TTC28: variants seen among roughly 807,000 people sequenced by gnomAD.
TTC28 encodes the protein tetratricopeptide repeat domain 28.
A neutral mutation model predicts 198.0 loss-of-function variants in TTC28; 61 were observed. That is an observed-to-expected ratio of 0.31 (90% CI 0.25 to 0.38). TTC28 has a LOEUF of 0.38. Ranked by LOEUF, TTC28 falls within the 10% of genes least tolerant of loss-of-function variation. The probability of loss-of-function intolerance (pLI) is 1.00; values close to 1 mark genes in which losing one functional copy is unlikely to be tolerated. For missense variants in TTC28, 2,678 were observed against 3,164.0 expected (o/e 0.85, Z 3.69); for synonymous variants, 1,171 against 1,297.8 (o/e 0.90, Z 2.10).
chr22:28,615,131 T>C (rs1222570560), intron 2 of TTC28, among the ~76,000 whole-genome samples: 6 of 151,868 alleles, frequency 4.0e-5, no homozygotes, highest in Admixed American at 2.6e-4. Context: ...CATCAAAAAG[T>C]GGACAAAGGA....
chr22:28,249,288 T>A (rs1010867847), intron 5 of TTC28, among the ~76,000 whole-genome samples: 5 of 151,938 alleles, frequency 3.3e-5, no homozygotes, highest in African/African-American at 9.7e-5. Flanking sequence ...ATTAAATAAG[T>A]GAATGCACAG....
intron 1 of TTC28, among the ~76,000 whole-genome samples, chr22:28,670,951 C>T (rs192681196): frequency 5.3e-5 from 8 of 152,110 alleles, no homozygotes; most frequent in Admixed American, 3.3e-4. Context: ...TGATGACTAA[C>T]GATGTTGCAT....
intron 12 of TTC28, among the ~76,000 whole-genome samples, chr22:28,079,100 G>A (rs936553934): frequency 2.6e-5 from 4 of 152,198 alleles, no homozygotes; most frequent in Admixed American, 1.3e-4. Flanking sequence ...AAGACCATCA[G>A]AAACTCTGAA....
intron 2 of TTC28, among the ~76,000 whole-genome samples, chr22:28,369,178 A>C (rs2046291636): frequency 6.6e-6 from 1 of 152,186 alleles, no homozygotes; most frequent in Non-Finnish European, 1.5e-5. Context: ...ACCAGACTTC[A>C]AATTACACTA....
Position 28,629,745 on chromosome 22 carries a change from C to T in TTC28, c.188G>A (p.Arg63His), listed in dbSNP as rs373441958. ...ATCATGACAGGCCTGATTACTCTGA[C>T]GAACTTTCTCAACAAATTCAGCTTT... ...LSKAEFVEKV[R>H]QSNQACHDGD... The change falls in exon 2 of 23, where the codon CGT becomes CAT. Residue 63 changes from arginine (R) to histidine (H), a missense_variant. By Grantham distance (29) the Arg-to-His change is conservative. Transcript: ENST00000397906. 37 of 1,551,670 alleles carry T rather than the reference C, an allele frequency of 2.4e-5. No individual in the cohort carries two copies. In the African/African-American group the frequency reaches 2.9e-4, roughly 12 times the overall value.
At chr22:28,247,636 T>C (rs552027018) in intron 5 of TTC28, among the ~76,000 whole-genome samples, 10 of 152,034 alleles carry the variant, frequency 6.6e-5, no homozygotes, top group Non-Finnish European at 1.3e-4. Flanking sequence ...GGAAGAGAAA[T>C]AGAGAAGCTT....
At chr22:28,505,289 T>A (rs574570653) in intron 2 of TTC28, among the ~76,000 whole-genome samples, 28 of 151,308 alleles carry the variant, frequency 1.9e-4, no homozygotes, top group Non-Finnish European at 3.4e-4. Flanking sequence ...GTTTAAAACT[T>A]TAGAAGCTTC....
intron 12 of TTC28, among the ~76,000 whole-genome samples, chr22:28,032,266 TA>T (rs1308343527): frequency 7.2e-5 from 5 of 69,024 alleles, no homozygotes; most frequent in African/African-American, 2.9e-4. Context: ...TATATATATA[TA>T]GTGTGTGTGT....
chr22:28,361,004 T>C (rs1466264412), intron 2 of TTC28, among the ~76,000 whole-genome samples: 1 of 152,208 alleles, frequency 6.6e-6, no homozygotes, highest in Non-Finnish European at 1.5e-5. Flanking sequence ...ACATGTTTTG[T>C]GTTCTGACTA....
chr22:28,392,866 C>T (rs1166581393), intron 2 of TTC28, among the ~76,000 whole-genome samples: 1 of 105,430 alleles, frequency 9.5e-6, no homozygotes, highest in Non-Finnish European at 1.9e-5. Flanking sequence ...TTGGTTCCTC[C>T]CTCCTTTTTT....
intron 2 of TTC28, among the ~76,000 whole-genome samples, chr22:28,600,067 C>T (rs1221399178): frequency 6.6e-6 from 1 of 152,164 alleles, no homozygotes; most frequent in East Asian, 1.9e-4. Flanking sequence ...AATAAAATAA[C>T]TGCATAATTA....
intron 12 of TTC28, among the ~76,000 whole-genome samples, chr22:28,051,804 G>A (rs1370796622): frequency 6.6e-6 from 1 of 152,078 alleles, no homozygotes; most frequent in East Asian, 1.9e-4. Context: ...CCATGGCTTC[G>A]AAGCCATGAT....
intron 2 of TTC28, among the ~76,000 whole-genome samples, chr22:28,374,402 G>A (rs2046379456): frequency 1.3e-5 from 2 of 152,180 alleles, no homozygotes; most frequent in African/African-American, 4.8e-5. Context: ...ACAAAGATAG[G>A]GTTCCTCATT....
At chr22:28,477,824 T>C (rs1489056712) in intron 2 of TTC28, among the ~76,000 whole-genome samples, 7 of 152,206 alleles carry the variant, frequency 4.6e-5, no homozygotes, top group African/African-American at 1.7e-4. Flanking sequence ...CTTTCCCTTC[T>C]GGCTTCACCA....
intron 5 of TTC28, among the ~76,000 whole-genome samples, chr22:28,267,790 T>G (rs1931782543): frequency 6.6e-6 from 1 of 152,138 alleles, no homozygotes; most frequent in South Asian, 2.1e-4. Context: ...AATTAGAACA[T>G]TTCTAAATCC....
intron 2 of TTC28, among the ~76,000 whole-genome samples, chr22:28,327,600 A>T (rs1451732790): frequency 6.6e-6 from 1 of 152,226 alleles, no homozygotes; most frequent in East Asian, 1.9e-4. Context: ...ACAGTTCAGT[A>T]TTTGCTAACT....
At position 28,163,084 on chromosome 22, in the gene TTC28, G is replaced by T; in HGVS notation, c.1441+8C>A. The stretch of plus-strand genomic sequence containing the variant: ...GACCTGGGCTCTTACAGGCAACCCT[G>T]TTCTTACCTAGATTGGAGGATGCTC... On this transcript the variant is annotated splice_region_variant and intron_variant, in intron 6 of 22. Transcript: ENST00000397906. The T allele has an allele frequency of 6.5e-7, 1 of 1,541,180 alleles. No homozygotes were observed. The highest frequency in any genetic ancestry group is 8.8e-7 in the Non-Finnish European group (1 of 1,141,690).
At chr22:28,113,357 C>T (rs1325525023) in intron 6 of TTC28, among the ~76,000 whole-genome samples, 1 of 152,194 alleles carries the variant, frequency 6.6e-6, no homozygotes, top group African/African-American at 2.4e-5. Flanking sequence ...TTTTCTGCTC[C>T]ATCCTACTCA....
At chr22:28,036,169 C>G (rs1015982144) in intron 12 of TTC28, among the ~76,000 whole-genome samples, 1 of 152,124 alleles carries the variant, frequency 6.6e-6, no homozygotes, top group African/African-American at 2.4e-5. Context: ...ACTCTCCACC[C>G]CAAATCAACA....
Sources: allele counts gnomAD v4.1 joint callset (sites outside exome capture counted in the v4.1 genomes callset), GRCh38; gene constraint gnomAD v4.1.1; transcripts MANE v1.5; gene names NCBI Gene and HGNC (gene_info 2026-07-23, HGNC 2026-07-21).